The following TCF12 variants were observed in gnomAD, a reference collection of about 807,000 sequenced individuals.
TCF12 encodes DNA-binding protein HTF4.
A neutral mutation model predicts 86.0 loss-of-function variants in TCF12; 45 were observed. The ratio of observed to expected loss-of-function variants is 0.52; its 90% CI spans 0.41 to 0.67. The LOEUF is 0.67. Ranked by LOEUF, TCF12 falls within the 30% of genes least tolerant of loss-of-function variation. The probability of loss-of-function intolerance (pLI) is 0.00; values close to 1 mark genes in which losing one functional copy is unlikely to be tolerated. For missense variants in TCF12, 881 were observed against 859.9 expected, an observed-to-expected ratio of 1.02 and a Z score of -0.31; for synonymous variants, 330 against 299.6, an observed-to-expected ratio of 1.10 and a Z score of -1.05.
intron 4 of TCF12, chr15:57,072,701 G>A (rs1378271670): frequency 5.4e-6 from 7 of 1,306,716 alleles, no homozygotes; most frequent in East Asian, 8.9e-5. Flanking sequence ...AGACAGAAGG[G>A]TCAGAGAATT....
At chr15:57,040,736 A>G (rs1417812843) in intron 3 of TCF12, among the ~76,000 whole-genome samples, 1 of 152,340 alleles carries the variant, frequency 6.6e-6, no homozygotes, top group East Asian at 1.9e-4. Context: ...CAATATAAAT[A>G]GTTCTTTTGA....
intron 3 of TCF12, among the ~76,000 whole-genome samples, chr15:57,022,039 G>C (rs929387351): frequency 2.7e-5 from 4 of 150,708 alleles, no homozygotes; most frequent in Non-Finnish European, 5.9e-5. Context: ...TTGTCAGGCA[G>C]ATCTTTTCTT....
intron 3 of TCF12, among the ~76,000 whole-genome samples, chr15:56,999,154 C>T (rs1344520417): frequency 2.0e-5 from 3 of 150,566 alleles, no homozygotes; most frequent in Admixed American, 6.6e-5. Context: ...GCTGAGATCG[C>T]GCCACTGCAC....
chr15:57,090,336 T>G (rs147784744), intron 4 of TCF12, among the ~76,000 whole-genome samples: 1 of 152,216 alleles, frequency 6.6e-6, no homozygotes, highest in Non-Finnish European at 1.5e-5. Context: ...ACAGGACTTA[T>G]GGTTATAGTT....
chr15:57,127,091 T>C (rs1328856492), intron 5 of TCF12, among the ~76,000 whole-genome samples: 4 of 151,644 alleles, frequency 2.6e-5, no homozygotes, highest in African/African-American at 9.7e-5. Context: ...CAAGAAATTC[T>C]CCTCCCTTAG....
At chr15:57,282,117 A>AGT (rs1415507056) in intron 19 of TCF12, 1 of 354,106 alleles carries the variant, frequency 2.8e-6, no homozygotes, top group African/African-American at 2.1e-5. Context: ...ACCGTGTCTT[A>AGT]GTAGGACATT....
intron 6 of TCF12, among the ~76,000 whole-genome samples, chr15:57,188,940 A>G (rs1238383374): frequency 6.6e-6 from 1 of 152,178 alleles, no homozygotes; most frequent in African/African-American, 2.4e-5. Context: ...GGCGCACACC[A>G]TCACACCTGG....
chr15:57,173,939 C>T (rs1199418715), intron 6 of TCF12, among the ~76,000 whole-genome samples: 2 of 152,060 alleles, frequency 1.3e-5, no homozygotes, highest in Non-Finnish European at 2.9e-5. Flanking sequence ...AACCCCTGAC[C>T]TTGTGATCCC....
At chr15:57,031,797 G>T (rs2066206639) in intron 3 of TCF12, among the ~76,000 whole-genome samples, 1 of 152,200 alleles carries the variant, frequency 6.6e-6, no homozygotes, top group Non-Finnish European at 1.5e-5. Context: ...AGCTTAGAGA[G>T]AGTTGAGGTC....
intron 3 of TCF12, among the ~76,000 whole-genome samples, chr15:56,945,295 G>A (rs536634017): frequency 5.3e-5 from 8 of 151,966 alleles, no homozygotes; most frequent in East Asian, 3.9e-4. Flanking sequence ...TTCTTAATCC[G>A]TCTTAAGAGA....
chr15:57,270,779 T>C (rs1169583187), intron 18 of TCF12, among the ~76,000 whole-genome samples: 5 of 152,206 alleles, frequency 3.3e-5, no homozygotes, highest in African/African-American at 1.2e-4. Context: ...ATGTTGATGC[T>C]ATTCCTTTCT....
At chr15:56,946,197 A>G (rs1442627163) in intron 3 of TCF12, among the ~76,000 whole-genome samples, 2 of 151,402 alleles carry the variant, frequency 1.3e-5, no homozygotes, top group African/African-American at 4.9e-5. Context: ...TTTTTGGTCC[A>G]CTCTCTTACC....
intron 3 of TCF12, among the ~76,000 whole-genome samples, chr15:57,003,718 T>C (rs1461246658): frequency 6.6e-6 from 1 of 152,224 alleles, no homozygotes; most frequent in Non-Finnish European, 1.5e-5. Flanking sequence ...CCAGCTACTG[T>C]ACAAATAAAT....
chr15:57,024,709 AGAAGAATAGTGCCAATCAGTAATTG>A (rs1227909136), intron 3 of TCF12, among the ~76,000 whole-genome samples: 7 of 152,338 alleles, frequency 4.6e-5, no homozygotes, highest in Admixed American at 2.6e-4. Flanking sequence ...TTCCATAGTA[AGAAGAATAGTGCCAATCAGTAATTG>A]GAAGAATAGT....
At chr15:57,127,358 G>A (rs754553366) in intron 5 of TCF12, among the ~76,000 whole-genome samples, 9 of 152,006 alleles carry the variant, frequency 5.9e-5, no homozygotes, top group South Asian at 2.1e-4. Flanking sequence ...TATACAAGAA[G>A]TTCTGCTAAA....
intron 6 of TCF12, among the ~76,000 whole-genome samples, chr15:57,185,864 A>G (rs1159435492): frequency 6.6e-6 from 1 of 152,236 alleles, no homozygotes; most frequent in Non-Finnish European, 1.5e-5. Flanking sequence ...CCAGAGCAAC[A>G]GAGCAAACTC....
At chr15:57,208,188 A>G (rs1173228412) in intron 8 of TCF12, among the ~76,000 whole-genome samples, 1 of 151,422 alleles carries the variant, frequency 6.6e-6, no homozygotes, top group Non-Finnish European at 1.5e-5. Context: ...ATCTGCCACC[A>G]CACCCAGCTA....
intron 3 of TCF12, among the ~76,000 whole-genome samples, chr15:56,927,660 T>C (rs535148610): frequency 5.9e-4 from 90 of 152,334 alleles, no homozygotes; most frequent in African/African-American, 2.1e-3. Context: ...TTTTTGTGTA[T>C]GTATATGTTT....
chr15:57,032,815 G>A (rs1355637985), intron 3 of TCF12, among the ~76,000 whole-genome samples: 1 of 152,120 alleles, frequency 6.6e-6, no homozygotes, highest in Non-Finnish European at 1.5e-5. Context: ...TATACAAAAG[G>A]CCATAAGTAA....
Sources: gnomAD v4.1 joint callset for allele counts (sites outside exome capture counted in the v4.1 genomes callset) on GRCh38, gnomAD v4.1.1 for gene constraint, MANE v1.5 for transcripts, NCBI Gene and HGNC (gene_info 2026-07-23, HGNC 2026-07-21) for gene names.